ZMYM2: variants seen among roughly 807,000 people sequenced by gnomAD.
ZMYM2 encodes zinc finger MYM-type protein 2.
A neutral mutation model predicts 162.8 loss-of-function variants in ZMYM2; 56 were observed. The ratio of observed to expected loss-of-function variants is 0.34; its 90% CI spans 0.28 to 0.43. The LOEUF (loss-of-function observed/expected upper bound fraction) is 0.43. Ranked by LOEUF, ZMYM2 falls within the 20% of genes least tolerant of loss-of-function variation. ZMYM2 has a pLI of 1.00. For missense variants in ZMYM2, 1,275 were observed against 1,621.8 expected (o/e 0.79, Z 3.67); for synonymous variants, 510 against 541.6 (o/e 0.94, Z 0.81).
rs1436670574 is a variant in ZMYM2, at chr13:20,088,935, C to T, written c.*2921C>T. ...TCTGAGATCTTAAATATCTTGCAGC[C>T]TTAAATCACTACAAACATTTGCATT... On this transcript the variant is annotated 3_prime_UTR_variant, in exon 25 of 25. Transcript: ENST00000610343. 3 of 197,832 alleles carry T rather than the reference C, an allele frequency of 1.5e-5. No individual in the cohort carries two copies. Among genetic ancestry groups the T allele is most frequent in the African/African-American group, 6.9e-5 (3 of 43,348 alleles). The allele number at this position is 197,832 out of a possible 1,614,324, so 12.3% of individuals were successfully genotyped here.
intron 19 of ZMYM2, 90 bp downstream of exon 19, chr13:20,064,635 C>T: frequency 1.0e-6 from 1 of 964,826 alleles, no homozygotes; most frequent in Non-Finnish European, 1.4e-6. Context: ...AATATGGGAA[C>T]ATATTTTGTT....
At chr13:20,032,964 T>G (rs1457500322) in intron 10 of ZMYM2, among the ~76,000 whole-genome samples, 1 of 152,166 alleles carries the variant, frequency 6.6e-6, no homozygotes, top group East Asian at 1.9e-4. Context: ...TTTAACAGTT[T>G]AATGACTGGA....
At position 19,993,350 on chromosome 13, in the gene ZMYM2, A is replaced by C; in HGVS notation, c.278A>C (p.Gln93Pro). 1 of 1,613,790 alleles carries C rather than the reference A, an allele frequency of 6.2e-7. No homozygotes were observed. The highest frequency in any genetic ancestry group is 1.3e-5 in the African/African-American group (1 of 75,048). The stretch of plus-strand genomic sequence containing the variant: ...ACATCATCAAAAAATGAAGAACTAC[A>C]AGGAAATGATTCCAAAATTACTCCT... ...TFTSSKNEEL[Q>P]GNDSKITPSS... The change falls in exon 3 of 25, where the codon CAA becomes CCA. Residue 93 changes from glutamine (Q) to proline (P), a missense_variant. Transcript: ENST00000610343.
chr13:20,073,463 G>A (rs182236833), intron 21 of ZMYM2, among the ~76,000 whole-genome samples: 34 of 152,270 alleles, frequency 2.2e-4, no homozygotes, highest in Admixed American at 1.5e-3. Context: ...GTAGCTAAAG[G>A]TGTATCATTT....
At chr13:19,885,382 T>C in the ZMYM2 span, among the ~76,000 whole-genome samples, 2 of 152,170 alleles carry the variant, frequency 1.3e-5, no homozygotes, top group African/African-American at 2.4e-5. Flanking sequence ...TGCCATAGGA[T>C]TGTGCACTGT....
intron 21 of ZMYM2, among the ~76,000 whole-genome samples, chr13:20,074,237 T>TGTGTGTGTGTGTGAGA (rs1491090474): frequency 1.9e-4 from 24 of 127,460 alleles, no homozygotes; most frequent in African/African-American, 5.3e-4. Flanking sequence ...TGTGTGTGTG[T>TGTGTGTGTGTGTGAGA]GAGAGAGACA....
the ZMYM2 span, among the ~76,000 whole-genome samples, chr13:19,904,935 G>A: frequency 6.6e-6 from 1 of 151,206 alleles, no homozygotes; most frequent in Non-Finnish European, 1.5e-5. Flanking sequence ...GGACGCTTGT[G>A]TTGGGTCCTA....
chr13:19,993,216 G>T lies in ZMYM2; in HGVS notation c.144G>T (p.Lys48Asn), dbSNP rs950572224. ...ATCCTTTAGTGTCTAGATCTAATAA[G>T]TTTCAGAACTCGTCAGTGGAAGATG... ...PANPLVSRSN[K>N]FQNSSVEDDD... The change falls in exon 3 of 25, where the codon AAG (lysine) becomes AAT (asparagine). Residue 48 changes from lysine (K) to asparagine (N), a missense_variant. Physicochemically the swap from Lys to Asn is moderately conservative, Grantham distance 94 (BLOSUM62 0). This residue lies in a region of ZMYM2 where 295 missense variants were observed against 286.7 expected (regional missense o/e 1.03). Coordinates refer to ENST00000610343, the MANE Select transcript of ZMYM2 (RefSeq NM_197968.4). 2 of 1,613,896 alleles carry T rather than the reference G, an allele frequency of 1.2e-6. No individual in the cohort carries two copies. Among genetic ancestry groups the T allele is most frequent in the Admixed American group, 1.7e-5 (1 of 60,008 alleles).
intron 12 of ZMYM2, among the ~76,000 whole-genome samples, chr13:20,043,111 A>G (rs963238760): frequency 6.6e-6 from 1 of 152,020 alleles, no homozygotes; most frequent in Non-Finnish European, 1.5e-5. Flanking sequence ...TGTGTTCTGG[A>G]AGGTTTTAAG....
chr13:20,031,387 C>G lies in ZMYM2; in HGVS notation c.1920C>G (p.Asn640Lys). ...CAAGTGATATTCAGTTGAAATGCAA[C>G]TACTGCAAAAATTCCTTTTGTTCAA... Reference protein sequence around the residue: ...VAPSDIQLKCNYCKNSFCSKP... With the variant: ...VAPSDIQLKCKYCKNSFCSKP... The change falls in exon 10 of 25, where the codon AAC (asparagine) becomes AAG (lysine). Residue 640 changes from asparagine to lysine, a missense_variant. By Grantham distance (94) the Asn-to-Lys change is moderately conservative (BLOSUM62 0). This residue lies in a region of ZMYM2 where 276 missense variants were observed against 311.8 expected (regional missense o/e 0.89). Transcript: ENST00000610343. The G allele has an allele frequency of 6.2e-7, 1 of 1,606,398 alleles. No homozygotes were observed. The highest frequency in any genetic ancestry group is 8.5e-7 in the Non-Finnish European group (1 of 1,177,814).
At chr13:19,927,683 T>C in the ZMYM2 span, among the ~76,000 whole-genome samples, 1 of 152,220 alleles carries the variant, frequency 6.6e-6, no homozygotes, top group South Asian at 2.1e-4. Flanking sequence ...TGCTTGGCTA[T>C]AGATATGTGA....
At chr13:19,900,752 A>C in the ZMYM2 span, among the ~76,000 whole-genome samples, 1 of 152,152 alleles carries the variant, frequency 6.6e-6, no homozygotes, top group East Asian at 1.9e-4. Flanking sequence ...AAGTACTACA[A>C]AACAGAATTC....
intron 21 of ZMYM2, 128 bp downstream of exon 21, chr13:20,067,518 C>T: frequency 1.0e-6 from 1 of 953,340 alleles, no homozygotes; most frequent in Non-Finnish European, 1.5e-6. Flanking sequence ...TGTATGTTTG[C>T]TGCCATTTAT....
At chr13:20,006,321 A>G (rs1950746100) in intron 5 of ZMYM2, 53 bp from the exon 6 acceptor site, 30 of 1,475,980 alleles carry the variant, frequency 2.0e-5, no homozygotes, top group Non-Finnish European at 2.6e-5. Flanking sequence ...TTTATTATTT[A>G]GCTACTTGTC....
At chr13:19,889,056 A>C in the ZMYM2 span, among the ~76,000 whole-genome samples, 2 of 151,908 alleles carry the variant, frequency 1.3e-5, no homozygotes, top group Non-Finnish European at 2.9e-5. Context: ...ATCCGACTGC[A>C]TCTCTGTTGG....
chr13:19,973,264 G>A (rs1956482541), intron 2 of ZMYM2, among the ~76,000 whole-genome samples: 1 of 151,870 alleles, frequency 6.6e-6, no homozygotes, highest in Non-Finnish European at 1.5e-5. Flanking sequence ...TGGTATCTTT[G>A]TTTGCTATAT....
chr13:20,020,887 TCCTG>T (rs1464227762), intron 7 of ZMYM2, among the ~76,000 whole-genome samples: 1 of 152,150 alleles, frequency 6.6e-6, no homozygotes, highest in Non-Finnish European at 1.5e-5. Flanking sequence ...ATCTTCTATT[TCCTG>T]CCTAATTATG....
chr13:19,883,357 T>A, the ZMYM2 span, among the ~76,000 whole-genome samples: 1 of 152,226 alleles, frequency 6.6e-6, no homozygotes, highest in Non-Finnish European at 1.5e-5. Flanking sequence ...ATATACTAAA[T>A]GTCACTGAAT....
chr13:19,892,405 G>C, the ZMYM2 span, among the ~76,000 whole-genome samples: 1 of 151,324 alleles, frequency 6.6e-6, no homozygotes, highest in Non-Finnish European at 1.5e-5. Context: ...CCAAGTAGCC[G>C]GGACTACAGG....
Sources: gnomAD v4.1 joint callset for allele counts (sites outside exome capture counted in the v4.1 genomes callset) on GRCh38, gnomAD v4.1.1 for gene constraint, gnomAD v4.1.1 regional missense constraint, MANE v1.5 for transcripts, NCBI Gene and HGNC (gene_info 2026-07-23, HGNC 2026-07-21) for gene names.